Variants in AIFM2 observed in about 807,000 individuals in gnomAD.
The protein encoded by AIFM2 is AIF family member 2, ferroptosis suppressor.
Under a neutral mutation model 35.7 loss-of-function variants are expected in AIFM2, and 38 were observed. That is an observed-to-expected ratio of 1.06 (90% CI 0.82 to 1.39). The LOEUF is 1.39. Among genes scored for constraint, AIFM2 ranks in the 40% most tolerant of loss-of-function variants. AIFM2 has a pLI of 0.00. For synonymous variants in AIFM2, 185 were observed against 203.5 expected (o/e 0.91, Z 0.77); for missense variants, 476 against 491.2 (o/e 0.97, Z 0.29).
At position 70,117,713 on chromosome 10, in the gene AIFM2, G is replaced by A; in HGVS notation, c.616+99C>T. 1 of 950,022 alleles carries A rather than the reference G, an allele frequency of 1.1e-6. No homozygotes were observed. The highest frequency in any genetic ancestry group is 1.7e-5 in the South Asian group (1 of 60,606). 58.8% of individuals were successfully genotyped at this position (950,022 alleles called of 1,614,324 possible). On this transcript the variant is annotated intron_variant, in intron 6 of 8. Transcript: ENST00000307864. The surrounding 1 kb of genome is among the most constrained non-coding windows in gnomAD (Gnocchi z 4.7). ...CAGTGGAAAAGAGAGAGCCTGGGGT[G>A]GACCATAGCCACCCTCCTGCTGGAA...
chr10:70,125,589 G>C (rs1355167366), intron 1 of AIFM2, among the ~76,000 whole-genome samples: 1 of 148,510 alleles, frequency 6.7e-6, no homozygotes, highest in African/African-American at 2.5e-5. Flanking sequence ...CTGCACACCA[G>C]CCTGGGCCAC....
chr10:70,113,119 C>G lies in AIFM2; in HGVS notation c.*1059G>C, dbSNP rs2072396442. On this transcript the variant is annotated 3_prime_UTR_variant, in exon 9 of 9. Transcript: ENST00000307864. ...TGGCTGGCAGGCCAGGCTGCAGTCT[C>G]AACCCCTGCTAGCCGTGTAAAAATG... is the stretch of plus-strand genomic sequence containing the variant. 1.3e-5 allele frequency: 2 copies of G among 152,252 alleles called. No individual in the cohort carries two copies. Among genetic ancestry groups the G allele is most frequent in the Non-Finnish European group, 2.9e-5 (2 of 68,058 alleles). 9.4% of individuals were successfully genotyped at this position (152,252 alleles called of 1,614,324 possible).
In AIFM2 at chr10:70,117,673, C is replaced by T; in HGVS notation, c.616+139G>A. 2 of 619,528 alleles carry T rather than the reference C, an allele frequency of 3.2e-6. No homozygotes were observed. The highest frequency in any genetic ancestry group is 5.3e-6 in the Non-Finnish European group (2 of 375,704). 38.4% of individuals were successfully genotyped at this position (619,528 alleles called of 1,614,324 possible). A position where few individuals can be genotyped will look rare whatever the true frequency, so the allele number is the denominator to read the frequency against. On this transcript the variant is annotated intron_variant, in intron 6 of 8. Transcript: ENST00000307864. This position sits in a 1 kb window ranked among gnomAD's most constrained non-coding sequence, Gnocchi z 4.7. ...CACGGCCTCTTCTGAGCGCTTCATG[C>T]TCCACCCCAGGACACAGTGGAAAAG...
Position 70,117,919 on chromosome 10 carries a change from A to C in AIFM2, c.509T>G (p.Val170Gly). Residue 170 changes from valine to glycine, a missense_variant and splice_region_variant, in exon 6 of 9, where the codon GTC becomes GGC. Transcript: ENST00000307864. The surrounding 1 kb of genome is among the most constrained non-coding windows in gnomAD (Gnocchi z 4.7). ...GGCCACTTGGGAGTGAATGAGAGTG[A>C]CCTGAGGACAAAACGACCACAGGGC... Reference protein sequence around the residue: ...EIKTEYPEKEVTLIHSQVALA... With the variant: ...EIKTEYPEKEGTLIHSQVALA... 1 of 1,606,496 alleles carries C rather than the reference A, an allele frequency of 6.2e-7. No homozygotes were observed. Among genetic ancestry groups the C allele is most frequent in the Non-Finnish European group, 8.5e-7 (1 of 1,176,592 alleles).
At position 70,117,914 on chromosome 10, in the gene AIFM2, G is replaced by A. The variant is rs772614009; in HGVS notation, c.514C>T (p.Leu172Phe). ...GCCAGGGCCACTTGGGAGTGAATGAGAGTGACCTGAGGACAAAACGACCAC... is the reference window on the plus strand; with the variant it reads ...GCCAGGGCCACTTGGGAGTGAATGAAAGTGACCTGAGGACAAAACGACCAC... ...KTEYPEKEVT[L>F]IHSQVALADK... The change falls in exon 6 of 9, where the codon CTC becomes TTC. Residue 172 changes from leucine (L) to phenylalanine (F), a missense_variant. By Grantham distance (22) the Leu-to-Phe change is conservative. Coordinates refer to ENST00000307864, the MANE Select transcript of AIFM2 (RefSeq NM_032797.6). The surrounding 1 kb of genome is among the most constrained non-coding windows in gnomAD (Gnocchi z 4.7). The A allele has an allele frequency of 6.0e-5, 96 of 1,608,294 alleles. No individual in the cohort carries two copies. The highest frequency in any genetic ancestry group is 7.7e-5 in the Non-Finnish European group (91 of 1,177,606).
At position 70,116,577 on chromosome 10, in the gene AIFM2, G is replaced by A. The variant is rs770872320; in HGVS notation, c.769+45C>T. The A allele has an allele frequency of 1.9e-6, 3 of 1,610,588 alleles. No individual in the cohort carries two copies. In the South Asian group the frequency reaches 3.3e-5, roughly 18 times the overall value. ...ACTGCAGGGCATTCAGAGGGTACTG[G>A]AGAGCAAGGAGGCACAGGGGAAGCC... On this transcript the variant is annotated intron_variant, in intron 7 of 8. Transcript: ENST00000307864.
rs770190495 is a variant in AIFM2 at position 70,123,917 on chromosome 10, G to A, written c.168C>T (p.Ser56=). 5.0e-6 allele frequency: 8 copies of A among 1,585,416 alleles called. No individual in the cohort carries two copies. Among genetic ancestry groups the A allele is most frequent in the South Asian group, 4.5e-5 (4 of 88,872 alleles). Residue 56 remains serine (S), a synonymous_variant, in exon 2 of 9, where the codon TCC becomes TCT. Transcript: ENST00000307864. ...FHHNVAALRA[S]VETGFAKKTF... is the part of the protein sequence containing the mutation. ...ACGGGAGCACATTACCTGTCTCCAC[G>A]GAGGCTCGGAGAGCAGCCACATTGT...
rs1009447329 is a variant in AIFM2 at position 70,113,266 on chromosome 10, T to G, written c.*912A>C. 6.6e-6 allele frequency: 1 copy of G among 152,286 alleles called. No individual in the cohort carries two copies. The highest frequency in any genetic ancestry group is 1.5e-5 in the Non-Finnish European group (1 of 68,080). 9.4% of individuals were successfully genotyped at this position (152,286 alleles called of 1,614,324 possible). ...TGTGCTGGCCGCAGTGGCTCACGCC[T>G]GGAATCCCAGCACTTCGAGAGGCCA... On this transcript the variant is annotated 3_prime_UTR_variant, in exon 9 of 9. Coordinates refer to ENST00000307864, the MANE Select transcript of AIFM2 (RefSeq NM_032797.6).
chr10:70,124,098 C>T lies in AIFM2; in HGVS notation c.-13-1G>A. 1 of 1,479,648 alleles carries T rather than the reference C, an allele frequency of 6.8e-7. No individual in the cohort carries two copies. Among genetic ancestry groups the T allele is most frequent in the East Asian group, 2.5e-5 (1 of 39,442 alleles). The allele number at this position is 1,479,648 out of a possible 1,614,324, so 91.7% of individuals were successfully genotyped here. On this transcript the variant is annotated splice_acceptor_variant, in intron 1 of 8. Coordinates refer to ENST00000307864, the MANE Select transcript of AIFM2 (RefSeq NM_032797.6). LOFTEE classifies it low-confidence loss of function (5UTR_SPLICE). ...CTGGGACCCCATCTCAAATCAGGCA[C>T]TGCTGGGAAGAAAGAGGAGAGCATA...
intron 3 of AIFM2, 115 bp downstream of exon 3, chr10:70,123,290 A>G (rs2072529813): frequency 1.2e-6 from 1 of 859,806 alleles, no homozygotes; most frequent in African/African-American, 1.7e-5. Flanking sequence ...CAGTGCTGAG[A>G]TTACAGGTGT....
intron 3 of AIFM2, among the ~76,000 whole-genome samples, chr10:70,122,053 T>A (rs1008993337): frequency 4.6e-5 from 7 of 151,950 alleles, no homozygotes; most frequent in African/African-American, 1.5e-4. Flanking sequence ...GACCATGCCA[T>A]TGCACTCCAG....
In AIFM2 at chr10:70,117,713, G is replaced by T; in HGVS notation, c.616+99C>A. ...CAGTGGAAAAGAGAGAGCCTGGGGT[G>T]GACCATAGCCACCCTCCTGCTGGAA... On this transcript the variant is annotated intron_variant, in intron 6 of 8. Transcript: ENST00000307864. This position sits in a 1 kb window ranked among gnomAD's most constrained non-coding sequence, Gnocchi z 4.7. 1 of 950,020 alleles carries T rather than the reference G, an allele frequency of 1.1e-6. No individual in the cohort carries two copies. The highest frequency in any genetic ancestry group is 1.6e-6 in the Non-Finnish European group (1 of 637,410). The allele number at this position is 950,020 out of a possible 1,614,324, so 58.8% of individuals were successfully genotyped here.
chr10:70,121,024 GCCTAGGCATCC>G (rs1287495542), intron 4 of AIFM2, 57 bp downstream of exon 4: 15 of 1,566,292 alleles, frequency 9.6e-6, no homozygotes, highest in African/African-American at 4.1e-5. Flanking sequence ...CCAGCTGCAG[GCCTAGGCATCC>G]CCAAGGCTGT....
In AIFM2 at chr10:70,115,028, C is replaced by T. The variant is rs2271694; in HGVS notation, c.862G>A (p.Asp288Asn). The T allele has an allele frequency of 0.021, 33,118 of 1,614,120 alleles. 1,722 individuals are homozygous for T. The highest frequency in any genetic ancestry group is 0.18 in the East Asian group (8,165 of 44,864). ...SNVYAIGDCA[D>N]VRTPKMAYLA... ...TAGGCCATCTTGGGCGTCCTCACGT[C>T]GGCACAGTCACCAATGGCGTAGACG... The change falls in exon 8 of 9, where the codon GAC becomes AAC. Residue 288 changes from aspartate to asparagine, a missense_variant. Coordinates refer to ENST00000307864, the MANE Select transcript of AIFM2 (RefSeq NM_032797.6).
intron 8 of AIFM2, 82 bp downstream of exon 8, chr10:70,114,838 G>T: frequency 6.8e-7 from 1 of 1,461,830 alleles, no homozygotes; most frequent in Non-Finnish European, 9.4e-7. Context: ...CTAGTGGCCA[G>T]GTATGGGATA....
At chr10:70,124,386 G>A (rs2072543997) in intron 1 of AIFM2, among the ~76,000 whole-genome samples, 1 of 152,104 alleles carries the variant, frequency 6.6e-6, no homozygotes, top group South Asian at 2.1e-4. Context: ...CTATAATCAC[G>A]ATTATTTTTT....
chr10:70,115,389 C>A (rs1406006756), intron 7 of AIFM2, among the ~76,000 whole-genome samples: 2 of 152,106 alleles, frequency 1.3e-5, no homozygotes, highest in Non-Finnish European at 2.9e-5. Context: ...CAACAAGCCT[C>A]CTTTTAGAAA....
chr10:70,129,994 GGCAATATGGTGAA>G (rs2072611233), intron 1 of AIFM2, among the ~76,000 whole-genome samples: 1 of 152,016 alleles, frequency 6.6e-6, no homozygotes, highest in Non-Finnish European at 1.5e-5. Flanking sequence ...GACCAGCCTG[GGCAATATGGTGAA>G]ACCCCATCTC....
intron 3 of AIFM2, among the ~76,000 whole-genome samples, chr10:70,121,965 G>A (rs1046275758): frequency 3.4e-4 from 51 of 151,918 alleles, no homozygotes; most frequent in African/African-American, 9.4e-4. Context: ...GGTGCCATGC[G>A]CCTGTAATCC....
Sources: gnomAD v4.1 joint callset for allele counts (sites outside exome capture counted in the v4.1 genomes callset) on GRCh38, gnomAD v4.1.1 for gene constraint, Gnocchi (gnomAD v3.1) non-coding constraint, MANE v1.5 for transcripts, NCBI Gene and HGNC (gene_info 2026-07-23, HGNC 2026-07-21) for gene names.